Variants in TMEFF2 observed in about 807,000 individuals in gnomAD.
The protein encoded by TMEFF2 is transmembrane protein with EGF like and two follistatin like domains 2, also known as tomoregulin-2.
In TMEFF2, 28 loss-of-function variants were observed where a neutral mutation model predicts 53.8. The observed-to-expected ratio is 0.52, with a 90% CI of 0.39 to 0.71. TMEFF2 has a LOEUF of 0.71. Ranked by LOEUF, TMEFF2 falls within the 30% of genes least tolerant of loss-of-function variation. The pLI is 0.00. For missense variants in TMEFF2, 353 were observed against 455.2 expected, an observed-to-expected ratio of 0.78 and a Z score of 2.04; for synonymous variants, 162 against 166.3, an observed-to-expected ratio of 0.97 and a Z score of 0.20.
At chr2:192,148,337 T>C (rs1439214727) in intron 4 of TMEFF2, among the ~76,000 whole-genome samples, 1 of 152,000 alleles carries the variant, frequency 6.6e-6, no homozygotes, top group East Asian at 1.9e-4. Context: ...AATATGACTA[T>C]CACAGAAGGG....
chr2:192,173,499 C>A (rs538130408), intron 4 of TMEFF2, among the ~76,000 whole-genome samples: 6 of 151,722 alleles, frequency 4.0e-5, no homozygotes, highest in African/African-American at 1.5e-4. Context: ...TGCTTAGTGC[C>A]CTCACAAACA....
chr2:192,161,652 TC>T (rs1388512033), intron 4 of TMEFF2, among the ~76,000 whole-genome samples: 1 of 152,212 alleles, frequency 6.6e-6, no homozygotes, highest in African/African-American at 2.4e-5. Context: ...GACAACTGTG[TC>T]CTTTTCTTCT....
chr2:192,029,312 GA>G (rs1363842605), intron 5 of TMEFF2: 1 of 152,216 alleles, frequency 6.6e-6, no homozygotes, highest in Admixed American at 6.6e-5. Context: ...AGCCCTGGCT[GA>G]CATCTTGATT....
intron 7 of TMEFF2, among the ~76,000 whole-genome samples, chr2:191,975,265 C>CTTCTTT (rs1553509213): frequency 1.1e-5 from 1 of 88,366 alleles, no homozygotes; most frequent in African/African-American, 3.2e-5. Context: ...TCTTTTTCTT[C>CTTCTTT]TTTTTTTTTT....
chr2:191,987,721 AGTTCTGCAT>A (rs1686013546), intron 7 of TMEFF2, among the ~76,000 whole-genome samples: 1 of 152,236 alleles, frequency 6.6e-6, no homozygotes, highest in Non-Finnish European at 1.5e-5. Context: ...CTAAGTCAAA[AGTTCTGCAT>A]CCTACTCCAA....
chr2:192,040,173 T>G (rs1168173993), intron 5 of TMEFF2, among the ~76,000 whole-genome samples: 3 of 152,128 alleles, frequency 2.0e-5, no homozygotes, highest in Non-Finnish European at 4.4e-5. Flanking sequence ...CTTTTCTAAC[T>G]ACACCATAAG....
chr2:192,047,287 T>C (rs13415649), intron 5 of TMEFF2, among the ~76,000 whole-genome samples: 19,100 of 152,230 alleles, frequency 0.13, 1,358 homozygotes, highest in East Asian at 0.32. Flanking sequence ...TAATATTTTA[T>C]TTTATTTCTT....
intron 2 of TMEFF2, among the ~76,000 whole-genome samples, chr2:192,188,061 G>A (rs1382082028): frequency 3.3e-5 from 5 of 152,042 alleles, no homozygotes; most frequent in Non-Finnish European, 7.4e-5. Context: ...TAAGAAGAAT[G>A]GCTTGGGATA....
intron 5 of TMEFF2, among the ~76,000 whole-genome samples, chr2:192,047,935 T>G (rs145005327): frequency 2.9e-3 from 444 of 152,314 alleles, no homozygotes; most frequent in Non-Finnish European, 4.0e-3. Flanking sequence ...TTCTACCCGA[T>G]TTAATACACC....
Position 192,194,867 on chromosome 2 carries a change from G to A in TMEFF2, c.-343C>T, listed in dbSNP as rs80083357. The A allele has an allele frequency of 0.013, 3,591 of 278,240 alleles. 124 individuals are homozygous for A. The highest frequency in any genetic ancestry group is 0.073 in the African/African-American group (3,283 of 44,876). 17.2% of individuals were successfully genotyped at this position (278,240 alleles called of 1,614,324 possible). On this transcript the variant is annotated 5_prime_UTR_variant, in exon 1 of 10. Coordinates refer to ENST00000272771, the MANE Select transcript of TMEFF2 (RefSeq NM_016192.4). The surrounding 1 kb of genome is among the most constrained non-coding windows in gnomAD (Gnocchi z 4.2). ...CGAGTGGAGCCCGAGGAGGCAGGGTGGAGGGAGAGTCAAGGCGCCCCGCAG... is the reference window on the plus strand; with the variant it reads ...CGAGTGGAGCCCGAGGAGGCAGGGTAGAGGGAGAGTCAAGGCGCCCCGCAG...
chr2:192,039,798 GAT>G (rs1334490617), intron 5 of TMEFF2, among the ~76,000 whole-genome samples: 3 of 152,086 alleles, frequency 2.0e-5, no homozygotes, highest in African/African-American at 7.2e-5. Context: ...TAATTTTAAA[GAT>G]TCACATTAGA....
intron 4 of TMEFF2, among the ~76,000 whole-genome samples, chr2:192,119,436 G>A (rs1035593559): frequency 4.6e-5 from 7 of 152,040 alleles, no homozygotes; most frequent in Non-Finnish European, 7.4e-5. Context: ...ATAAATTCAT[G>A]AGCATATGAT....
At chr2:191,962,096 A>G (rs1191990897) in intron 7 of TMEFF2, among the ~76,000 whole-genome samples, 1 of 152,254 alleles carries the variant, frequency 6.6e-6, no homozygotes, top group Non-Finnish European at 1.5e-5. Flanking sequence ...TTAAAGACTT[A>G]GAAAATAACA....
chr2:192,031,742 C>G (rs1687143307), intron 5 of TMEFF2: 1 of 151,836 alleles, frequency 6.6e-6, no homozygotes, highest in South Asian at 2.1e-4. Flanking sequence ...TGTGTAGAAC[C>G]CTTGAGAGAG....
At chr2:191,969,936 G>T (rs1692586725) in intron 7 of TMEFF2, among the ~76,000 whole-genome samples, 1 of 152,150 alleles carries the variant, frequency 6.6e-6, no homozygotes, top group Non-Finnish European at 1.5e-5. Flanking sequence ...GAAAATCACA[G>T]AATTTTATAG....
intron 2 of TMEFF2, among the ~76,000 whole-genome samples, chr2:192,189,066 G>C (rs1256928603): frequency 6.6e-6 from 1 of 152,042 alleles, no homozygotes. Flanking sequence ...ATCTCACCGG[G>C]TTGTGAGAAA....
intron 7 of TMEFF2, among the ~76,000 whole-genome samples, chr2:191,966,985 A>G (rs1398993436): frequency 6.6e-6 from 1 of 152,162 alleles, no homozygotes; most frequent in Admixed American, 6.6e-5. Context: ...AAAAGACACT[A>G]GAAGAAATGT....
chr2:192,116,975 G>A (rs541751450), intron 4 of TMEFF2, among the ~76,000 whole-genome samples: 17 of 151,996 alleles, frequency 1.1e-4, no homozygotes, highest in Admixed American at 7.9e-4. Context: ...TTTCAAAAAC[G>A]TATTTTTCTT....
intron 5 of TMEFF2, among the ~76,000 whole-genome samples, chr2:192,041,000 A>G (rs1406319181): frequency 1.3e-5 from 2 of 152,164 alleles, no homozygotes; most frequent in African/African-American, 4.8e-5. Context: ...CTAAATATAG[A>G]GCTAAAACTA....
Sources: allele counts gnomAD v4.1 joint callset (sites outside exome capture counted in the v4.1 genomes callset), GRCh38; gene constraint gnomAD v4.1.1; non-coding constraint Gnocchi (gnomAD v3.1); transcripts MANE v1.5; gene names NCBI Gene and HGNC (gene_info 2026-07-23, HGNC 2026-07-21).